TENM3: variants seen among roughly 807,000 people sequenced by gnomAD.
The protein encoded by TENM3 is teneurin transmembrane protein 3, also known as teneurin-3.
TENM3 carries 63 observed loss-of-function variants against 255.1 expected under a neutral mutation model. The observed-to-expected ratio is 0.25, with a 90% CI of 0.20 to 0.30. The LOEUF is 0.30. TENM3 is among the 10% of genes least tolerant of loss of function. The pLI is 1.00. For missense variants in TENM3, 2,929 were observed against 3,461.1 expected (o/e 0.85, Z 3.86); for synonymous variants, 1,306 against 1,322.3 (o/e 0.99, Z 0.27).
Position 182,729,576 on chromosome 4 carries a change from C to G in TENM3, c.2585+395C>G, listed in dbSNP as rs569098233. 6.6e-4 allele frequency among the ~76,000 whole-genome samples: 101 copies of G among 152,034 alleles called. 1 individual carries two copies. In the South Asian group the frequency reaches 0.021, roughly 31 times the overall value. On this transcript the variant is annotated intron_variant, in intron 14 of 27. Transcript: ENST00000511685. ...TGAATGAATGTAATGGAACTGCTGA[C>G]GGCATGGCAGTAAGATTGCATAAGC...
At chr4:181,452,819 A>G in the TENM3 span, among the ~76,000 whole-genome samples, 1 of 152,238 alleles carries the variant, frequency 6.6e-6, no homozygotes, top group Non-Finnish European at 1.5e-5. Flanking sequence ...AGGAAAGCAT[A>G]GATACTAATG....
the TENM3 span, among the ~76,000 whole-genome samples, chr4:181,562,986 C>A: frequency 4.6e-5 from 7 of 152,140 alleles, no homozygotes; most frequent in Admixed American, 3.3e-4. Context: ...TTCTTAGGGC[C>A]ACTGGGGAGT....
At chr4:182,051,936 G>A in the TENM3 span, among the ~76,000 whole-genome samples, 8 of 152,038 alleles carry the variant, frequency 5.3e-5, no homozygotes, top group East Asian at 1.9e-4. Context: ...TGTATAGCTC[G>A]GTGTTTTCAA....
chr4:182,784,496 G>T (rs1316968263), intron 24 of TENM3, among the ~76,000 whole-genome samples: 2 of 151,502 alleles, frequency 1.3e-5, no homozygotes, highest in Non-Finnish European at 2.9e-5. Flanking sequence ...AGAGGTTACT[G>T]CTGTCTTTTT....
At chr4:182,160,054 G>A (rs192884505) in intron 1 of TENM3, among the ~76,000 whole-genome samples, 2 of 148,110 alleles carry the variant, frequency 1.4e-5, no homozygotes, top group Admixed American at 6.7e-5. Flanking sequence ...CCAGGCTGGA[G>A]TGCAGCGGTG....
the TENM3 span, among the ~76,000 whole-genome samples, chr4:181,681,668 G>A: frequency 7.2e-5 from 11 of 152,172 alleles, no homozygotes; most frequent in East Asian, 3.9e-4. Context: ...ACCGACTCAC[G>A]ATGATACATC....
chr4:182,083,976 T>C, the TENM3 span, among the ~76,000 whole-genome samples: 1 of 152,180 alleles, frequency 6.6e-6, no homozygotes, highest in African/African-American at 2.4e-5. Context: ...AAAAGTGACC[T>C]TTAATTCAGT....
chr4:181,720,096 G>C, the TENM3 span, among the ~76,000 whole-genome samples: 1 of 151,972 alleles, frequency 6.6e-6, no homozygotes, highest in Admixed American at 6.6e-5. Context: ...AATTTTTATC[G>C]TATATTTAGA....
the TENM3 span, among the ~76,000 whole-genome samples, chr4:181,533,218 T>A: frequency 2.6e-5 from 4 of 152,120 alleles, no homozygotes; most frequent in Non-Finnish European, 4.4e-5. Flanking sequence ...CCCTTATGGT[T>A]TAGCCCAGCA....
chr4:181,555,259 G>C, the TENM3 span, among the ~76,000 whole-genome samples: 1 of 152,130 alleles, frequency 6.6e-6, no homozygotes, highest in African/African-American at 2.4e-5. Flanking sequence ...GAGGTTCGCA[G>C]ACTGGTGCAA....
At chr4:181,986,551 T>C in the TENM3 span, among the ~76,000 whole-genome samples, 2 of 152,076 alleles carry the variant, frequency 1.3e-5, no homozygotes, top group Non-Finnish European at 2.9e-5. Context: ...TCAGTCTCCA[T>C]GACTCCCCCT....
chr4:181,878,652 C>T, the TENM3 span, among the ~76,000 whole-genome samples: 217 of 152,132 alleles, frequency 1.4e-3, 1 homozygote, highest in Middle Eastern at 6.8e-3. Flanking sequence ...AAGATGATGG[C>T]TCATCTGTCT....
the TENM3 span, among the ~76,000 whole-genome samples, chr4:181,598,256 T>C: frequency 1.3e-5 from 2 of 152,214 alleles, no homozygotes; most frequent in Non-Finnish European, 2.9e-5. Context: ...TAGCTATTAA[T>C]ATCCCATAGT....
chr4:182,757,649 A>G (rs1339287888), intron 22 of TENM3, among the ~76,000 whole-genome samples: 1 of 152,184 alleles, frequency 6.6e-6, no homozygotes, highest in African/African-American at 2.4e-5. Flanking sequence ...TTACCTTTTA[A>G]AGAAATGATA....
At chr4:182,538,548 A>G (rs563403059) in intron 3 of TENM3, among the ~76,000 whole-genome samples, 21 of 152,342 alleles carry the variant, frequency 1.4e-4, no homozygotes, top group South Asian at 1.0e-3. Context: ...GCAAAGCAGC[A>G]TAATGCAAGG....
chr4:181,885,701 C>T, the TENM3 span, among the ~76,000 whole-genome samples: 2 of 152,126 alleles, frequency 1.3e-5, no homozygotes, highest in African/African-American at 4.8e-5. Flanking sequence ...AGGTTTATAT[C>T]AAATAACATC....
At chr4:182,716,798 A>G (rs28705216) in intron 13 of TENM3, among the ~76,000 whole-genome samples, 26,459 of 152,164 alleles carry the variant, frequency 0.17, 2,466 homozygotes, top group Non-Finnish European at 0.22. Context: ...CTGAAATTCT[A>G]GGATATATGG....
At chr4:182,463,119 GTTCAA>G (rs1732214439) in intron 3 of TENM3, among the ~76,000 whole-genome samples, 1 of 152,052 alleles carries the variant, frequency 6.6e-6, no homozygotes, top group Non-Finnish European at 1.5e-5. Context: ...GTCCCAGCTG[GTTCAA>G]GCCTGTGTTG....
intron 3 of TENM3, among the ~76,000 whole-genome samples, chr4:182,551,381 C>G (rs534578404): frequency 6.6e-6 from 1 of 152,116 alleles, no homozygotes; most frequent in African/African-American, 2.4e-5. Context: ...TGTTAATAAA[C>G]AGTTTTCAAA....
Sources: gnomAD v4.1 joint callset for allele counts (sites outside exome capture counted in the v4.1 genomes callset) on GRCh38, gnomAD v4.1.1 for gene constraint, MANE v1.5 for transcripts, NCBI Gene and HGNC (gene_info 2026-07-23, HGNC 2026-07-21) for gene names.